Variants in OSR2 observed in about 807,000 individuals in gnomAD.
The protein encoded by OSR2 is odd-skipped related transciption factor 2.
OSR2 carries 8 observed loss-of-function variants against 22.3 expected under a neutral mutation model. The ratio of observed to expected loss-of-function variants is 0.36; its 90% confidence interval spans 0.21 to 0.65. The LOEUF (loss-of-function observed/expected upper bound fraction) is 0.65, where lower values mean the gene tolerates loss of function less well. Ranked by LOEUF, OSR2 falls within the 30% of genes least tolerant of loss-of-function variation. The pLI is 0.66. For synonymous variants in OSR2, 179 were observed against 173.8 expected (o/e 1.03, Z -0.23); for missense variants, 311 against 413.4 (o/e 0.75, Z 2.15).
At position 98,948,816 on chromosome 8, in the gene OSR2, C is replaced by T. The variant is rs555093159; in HGVS notation, c.-114-23C>T. On this transcript the variant is annotated intron_variant, in intron 1 of 3. Coordinates refer to ENST00000297565, the MANE Select transcript of OSR2 (RefSeq NM_001142462.3). The surrounding 1 kb of genome is among the most constrained non-coding windows in gnomAD (Gnocchi z 6.0). ...CCTTGGATTATAGTCACGGTCTCTCCCTCTCTTCCCTGCCATTTTTAGGGC... is the reference window on the plus strand; with the variant it reads ...CCTTGGATTATAGTCACGGTCTCTCTCTCTCTTCCCTGCCATTTTTAGGGC... 95 of 1,542,596 alleles carry T rather than the reference C, an allele frequency of 6.2e-5. No homozygotes were observed. In the African/African-American group the frequency reaches 1.2e-3, roughly 20 times the overall value.
intron 1 of OSR2, among the ~76,000 whole-genome samples, chr8:98,947,343 C>A (rs986307668): frequency 6.6e-6 from 1 of 152,008 alleles, no homozygotes; most frequent in Non-Finnish European, 1.5e-5. Context: ...AGTCTGCTCA[C>A]AGATGGAACC....
chr8:98,949,355 G>C lies in OSR2; in HGVS notation c.403G>C (p.Asp135His). 1 of 1,612,996 alleles carries C rather than the reference G, an allele frequency of 6.2e-7. No individual in the cohort carries two copies. The highest frequency in any genetic ancestry group is 1.3e-5 in the African/African-American group (1 of 75,072). The stretch of plus-strand genomic sequence containing the variant: ...GCAAGAGGATCCGCCTAAGATGGGA[G>C]ACCTGAGCAAGCTGAGCCCAGGACT... ...ATQEDPPKMG[D>H]LSKLSPGLGS... is the part of the protein sequence containing the mutation. The change falls in exon 2 of 4, where the codon GAC becomes CAC. Residue 135 changes from aspartate to histidine, a missense_variant. Coordinates refer to ENST00000297565, the MANE Select transcript of OSR2 (RefSeq NM_001142462.3). The surrounding 1 kb of genome is among the most constrained non-coding windows in gnomAD (Gnocchi z 5.9).
chr8:98,948,370 C>G lies in OSR2; in HGVS notation c.-114-469C>G, dbSNP rs1175971639. ...AGCGCAGCGCGTGGGATCTCACGAC[C>G]CATCCGTTAACCCACCGTTCCCAGG... On this transcript the variant is annotated intron_variant, in intron 1 of 3. Transcript: ENST00000297565. The surrounding 1 kb of genome is among the most constrained non-coding windows in gnomAD (Gnocchi z 6.0). 2 of 1,504,306 alleles carry G rather than the reference C, an allele frequency of 1.3e-6. No individual in the cohort carries two copies. Among genetic ancestry groups the G allele is most frequent in the Non-Finnish European group, 1.8e-6 (2 of 1,129,520 alleles). 93.2% of individuals were successfully genotyped at this position (1,504,306 alleles called of 1,614,324 possible). A position where few individuals can be genotyped will look rare whatever the true frequency, so the allele number is the denominator to read the frequency against.
At chr8:98,946,777 C>A (rs947190899) in intron 1 of OSR2, among the ~76,000 whole-genome samples, 2 of 152,136 alleles carry the variant, frequency 1.3e-5, no homozygotes, top group Non-Finnish European at 2.9e-5. Flanking sequence ...CCCTCCCCAA[C>A]GCATACACCC....
Position 98,948,927 on chromosome 8 carries a change from C to T in OSR2, c.-26C>T, listed in dbSNP as rs1387775186. 5.0e-6 allele frequency: 8 copies of T among 1,613,698 alleles called. No individual in the cohort carries two copies. Among genetic ancestry groups the T allele is most frequent in the African/African-American group, 2.7e-5 (2 of 74,944 alleles). On this transcript the variant is annotated 5_prime_UTR_variant, in exon 2 of 4. Coordinates refer to ENST00000297565, the MANE Select transcript of OSR2 (RefSeq NM_001142462.3). The surrounding 1 kb of genome is among the most constrained non-coding windows in gnomAD (Gnocchi z 6.0). ...GATTCCTGGAAGAAAGGGTTGGTCC[C>T]CTCAGCACCCCCAGCATCCCGGAAA...
Position 98,949,052 on chromosome 8 carries a change from G to T in OSR2, c.100G>T (p.Val34Leu), listed in dbSNP as rs1476699611. The part of the protein sequence containing the change: ...LQAVNTFPAT[V>L]DHLQGLYGLS... ...GGCCGTGAACACCTTCCCGGCCACG[G>T]TGGACCACCTGCAGGGCCTGTACGG... Residue 34 changes from valine (V) to leucine (L), a missense_variant, in exon 2 of 4, where the codon GTG (valine) becomes TTG (leucine). Around this residue, in one of 5 missense-constraint regions of OSR2, gnomAD observed 146 missense variants for 160.5 expected, o/e 0.91. Transcript: ENST00000297565. The surrounding 1 kb of genome is among the most constrained non-coding windows in gnomAD (Gnocchi z 5.9). 6.2e-7 allele frequency: 1 copy of T among 1,613,918 alleles called. No homozygotes were observed. Among genetic ancestry groups the T allele is most frequent in the African/African-American group, 1.3e-5 (1 of 75,050 alleles).
chr8:98,947,816 G>A (rs1465065480), intron 1 of OSR2, among the ~76,000 whole-genome samples: 1 of 152,176 alleles, frequency 6.6e-6, no homozygotes, highest in Non-Finnish European at 1.5e-5. Context: ...CTCCCCTGCA[G>A]CTCCTTTCCT....
intron 3 of OSR2, chr8:98,950,982 C>T: frequency 1.7e-6 from 1 of 594,750 alleles, no homozygotes; most frequent in Non-Finnish European, 3.0e-6. Context: ...TATCATAAAT[C>T]CTAATTTTAG....
chr8:98,951,030 T>C lies in OSR2; in HGVS notation c.756+275T>C. On this transcript the variant is annotated intron_variant, in intron 3 of 3. Transcript: ENST00000297565. Reference sequence around the variant, plus strand: ...CCAATCTGTCCTGCATTTAAAGCTTTCGTGTTTAGGAGGAAATAAAGGTAA... The same window carrying C: ...CCAATCTGTCCTGCATTTAAAGCTTCCGTGTTTAGGAGGAAATAAAGGTAA... 4 of 559,966 alleles carry C rather than the reference T, an allele frequency of 7.1e-6. No individual in the cohort carries two copies. In the East Asian group the frequency reaches 1.2e-4, roughly 16 times the overall value. 34.7% of individuals were successfully genotyped at this position (559,966 alleles called of 1,614,324 possible).
chr8:98,948,089 T>C lies in OSR2; in HGVS notation c.-114-750T>C. 3.8e-6 allele frequency: 5 copies of C among 1,332,008 alleles called. No homozygotes were observed. Among genetic ancestry groups the C allele is most frequent in the Non-Finnish European group, 4.8e-6 (5 of 1,040,934 alleles). The allele number at this position is 1,332,008 out of a possible 1,614,324, so 82.5% of individuals were successfully genotyped here. On this transcript the variant is annotated intron_variant, in intron 1 of 3. Transcript: ENST00000297565. This position sits in a 1 kb window ranked among gnomAD's most constrained non-coding sequence, Gnocchi z 6.0. Reference sequence around the variant, plus strand: ...AGTCGGGGGTTGGGAGGAGAGCCCGTGGATAGGAGGAGGGGGCGATTCTAG... The same window carrying C: ...AGTCGGGGGTTGGGAGGAGAGCCCGCGGATAGGAGGAGGGGGCGATTCTAG...
Position 98,949,567 on chromosome 8 carries a change from C to T in OSR2, c.615C>T (p.Cys205=). The T allele has an allele frequency of 6.2e-7, 1 of 1,612,952 alleles. No individual in the cohort carries two copies. Among genetic ancestry groups the T allele is most frequent in the Non-Finnish European group, 8.5e-7 (1 of 1,179,230 alleles). The change falls in exon 2 of 4, where the codon TGC becomes TGT. Residue 205 remains cysteine (C), a synonymous_variant. Coordinates refer to ENST00000297565, the MANE Select transcript of OSR2 (RefSeq NM_001142462.3). The surrounding 1 kb of genome is among the most constrained non-coding windows in gnomAD (Gnocchi z 5.9). The stretch of plus-strand genomic sequence containing the variant: ...AGAGGCCGTACACGTGTGACATCTG[C>T]CACAAGGCCTTCCGGAGGCAAGATC... ...TDERPYTCDI[C]HKAFRRQDHL...
chr8:98,948,541 G>A lies in OSR2; in HGVS notation c.-114-298G>A, dbSNP rs1035180630. On this transcript the variant is annotated intron_variant, in intron 1 of 3. Transcript: ENST00000297565. This position sits in a 1 kb window ranked among gnomAD's most constrained non-coding sequence, Gnocchi z 6.0. ...GGTGCTGCCCGGCTGTCCGCCTTTC[G>A]TTTTCCTGGGACCGAGGAGTCTTCC... The A allele has an allele frequency of 4.3e-5, 57 of 1,323,358 alleles. No homozygotes were observed. Among genetic ancestry groups the A allele is most frequent in the Middle Eastern group, 2.7e-4 (1 of 3,706 alleles). 82.0% of individuals were successfully genotyped at this position (1,323,358 alleles called of 1,614,324 possible). A position where few individuals can be genotyped will look rare whatever the true frequency, so the allele number is the denominator to read the frequency against.
In OSR2 at chr8:98,951,584, C is replaced by T. The variant is rs1840783314; in HGVS notation, c.822C>T (p.His274=). ...ATCAGAGAAGTAATCTGAAAACTCA[C>T]CTTCTCACCCATACAGACATCAAGC... ...TFNQRSNLKT[H]LLTHTDIKPY... The change falls in exon 4 of 4, where the codon CAC becomes CAT. Residue 274 remains histidine (H), a synonymous_variant. Transcript: ENST00000297565. 1.2e-6 allele frequency: 2 copies of T among 1,613,836 alleles called. No individual in the cohort carries two copies. Among genetic ancestry groups the T allele is most frequent in the South Asian group, 1.1e-5 (1 of 91,016 alleles).
At position 98,944,784 on chromosome 8, in the gene OSR2, G is replaced by C. The variant is rs945692831; in HGVS notation, c.-154G>C. On this transcript the variant is annotated 5_prime_UTR_variant, in exon 1 of 4. Coordinates refer to ENST00000297565, the MANE Select transcript of OSR2 (RefSeq NM_001142462.3). ...GCTGTGCGCCTCGCTGCCTGGACCG[G>C]GTCTGAGCGCGGCTGCCCAGGTTGA... is the stretch of plus-strand genomic sequence containing the variant. The C allele has an allele frequency of 6.6e-6, 1 of 152,344 alleles. No homozygotes were observed. The highest frequency in any genetic ancestry group is 2.4e-5 in the African/African-American group (1 of 41,460). 9.4% of individuals were successfully genotyped at this position (152,344 alleles called of 1,614,324 possible).
rs1840680459 is a variant in OSR2 at position 98,948,567 on chromosome 8, G to A, written c.-114-272G>A. 2.6e-6 allele frequency: 3 copies of A among 1,157,012 alleles called. No homozygotes were observed. The highest frequency in any genetic ancestry group is 3.1e-5 in the African/African-American group (2 of 63,876). The allele number at this position is 1,157,012 out of a possible 1,614,324, so 71.7% of individuals were successfully genotyped here. A position where few individuals can be genotyped will look rare whatever the true frequency, so the allele number is the denominator to read the frequency against. On this transcript the variant is annotated intron_variant, in intron 1 of 3. Coordinates refer to ENST00000297565, the MANE Select transcript of OSR2 (RefSeq NM_001142462.3). The surrounding 1 kb of genome is among the most constrained non-coding windows in gnomAD (Gnocchi z 6.0). ...TTTTCCTGGGACCGAGGAGTCTTCC[G>A]CTCCGTATCTGCCTAGAGTCTGAAT...
Position 98,949,644 on chromosome 8 carries a change from A to G in OSR2, c.656+36A>G. 1 of 1,583,018 alleles carries G rather than the reference A, an allele frequency of 6.3e-7. No individual in the cohort carries two copies. Among genetic ancestry groups the G allele is most frequent in the Admixed American group, 1.8e-5 (1 of 57,044 alleles). On this transcript the variant is annotated intron_variant, in intron 2 of 3. Coordinates refer to ENST00000297565, the MANE Select transcript of OSR2 (RefSeq NM_001142462.3). The surrounding 1 kb of genome is among the most constrained non-coding windows in gnomAD (Gnocchi z 5.9). ...CAAGGAGGATGGCTGGGAGAGGGAA[A>G]GCGAATTTGTCCTGGACACACCGAG...
Position 98,948,704 on chromosome 8 carries a change from C to G in OSR2, c.-114-135C>G, listed in dbSNP as rs1840684312. 7 of 1,186,234 alleles carry G rather than the reference C, an allele frequency of 5.9e-6. No individual in the cohort carries two copies. The East Asian group carries it at 1.3e-4, about 22-fold the overall frequency. 73.5% of individuals were successfully genotyped at this position (1,186,234 alleles called of 1,614,324 possible). On this transcript the variant is annotated intron_variant, in intron 1 of 3. Transcript: ENST00000297565. This position sits in a 1 kb window ranked among gnomAD's most constrained non-coding sequence, Gnocchi z 6.0. ...GTGCCAAGGTGCCACGCAGTCCCCT[C>G]ACGGCTTTCGGGGGGTCTTGGAGTC...
chr8:98,949,986 C>G lies in OSR2; in HGVS notation c.656+378C>G, dbSNP rs1224456726. On this transcript the variant is annotated intron_variant, in intron 2 of 3. Coordinates refer to ENST00000297565, the MANE Select transcript of OSR2 (RefSeq NM_001142462.3). This position sits in a 1 kb window ranked among gnomAD's most constrained non-coding sequence, Gnocchi z 5.9. ...CTTCTGTTGGGTTTCGTCCCTCCCC[C>G]CACCCCCCACCCTCCACCCAGGTGC... Among the ~76,000 whole-genome samples, 3 of 149,302 alleles carry G rather than the reference C, an allele frequency of 2.0e-5. No homozygotes were observed. The highest frequency in any genetic ancestry group is 7.4e-5 in the African/African-American group (3 of 40,466).
In OSR2 at chr8:98,951,716, T is replaced by C. The variant is rs1840788109; in HGVS notation, c.*15T>C. On this transcript the variant is annotated 3_prime_UTR_variant, in exon 4 of 4. Transcript: ENST00000297565. ...AGGACTTCTAGAGAAGCCCAGGATC[T>C]GTCCCGTGCCGCCGCTGCTCCCCTC... 11 of 1,602,688 alleles carry C rather than the reference T, an allele frequency of 6.9e-6. No homozygotes were observed. The East Asian group carries it at 2.3e-4, about 33-fold the overall frequency.
Sources: allele counts gnomAD v4.1 joint callset (sites outside exome capture counted in the v4.1 genomes callset), GRCh38; gene constraint gnomAD v4.1.1; regional missense constraint gnomAD v4.1.1; non-coding constraint Gnocchi (gnomAD v3.1); transcripts MANE v1.5; gene names NCBI Gene and HGNC (gene_info 2026-07-23, HGNC 2026-07-21).